Variants in NAV1 observed in about 807,000 individuals in gnomAD.
NAV1 encodes pore membrane and/or filament interacting like protein 3.
In NAV1, 18 loss-of-function variants were observed where a neutral mutation model predicts 175.2. The observed-to-expected ratio is 0.10, with a 90% CI of 0.07 to 0.15. The LOEUF is 0.15. Ranked by LOEUF, NAV1 falls within the 10% of genes least tolerant of loss-of-function variation. NAV1 has a pLI of 1.00. For synonymous variants in NAV1, 897 were observed against 978.7 expected (o/e 0.92, Z 1.56); for missense variants, 1,731 against 2,436.6 (o/e 0.71, Z 6.10).
At chr1:201,623,667 G>A (rs1223241304) in intron 1 of NAV1, 61 bp downstream of exon 3, 2 of 986,106 alleles carry the variant, frequency 2.0e-6, no homozygotes, top group Non-Finnish European at 2.4e-6. Flanking sequence ...CAAGGGGCAA[G>A]CCGGAAGAGG....
At chr1:201,676,987 C>G (rs1208015544) in intron 1 of NAV1, among the ~76,000 whole-genome samples, 1 of 152,142 alleles carries the variant, frequency 6.6e-6, no homozygotes, top group Non-Finnish European at 1.5e-5. Flanking sequence ...CGCGGTGGCT[C>G]ATGCCTGTAA....
chr1:201,669,541 G>T (rs1669954379), intron 1 of NAV1, among the ~76,000 whole-genome samples: 2 of 152,234 alleles, frequency 1.3e-5, no homozygotes, highest in African/African-American at 4.8e-5. Flanking sequence ...GGTCAGGATT[G>T]TGAATTTTAT....
At chr1:201,822,028 A>G (rs1480141456) in exon 30 of NAV1, 2 of 152,734 alleles carry the variant, frequency 1.3e-5, no homozygotes, top group Non-Finnish European at 1.5e-5. Context: ...TATTAAGTCC[A>G]AAAGATGGTC....
At chr1:201,763,645 C>T (rs989890555) in intron 3 of NAV1, among the ~76,000 whole-genome samples, 1 of 152,214 alleles carries the variant, frequency 6.6e-6, no homozygotes, top group African/African-American at 2.4e-5. Flanking sequence ...TTAAACAGCT[C>T]AACTTTCTGC....
chr1:201,775,303 T>A (rs1428317026), intron 3 of NAV1, among the ~76,000 whole-genome samples: 2 of 152,202 alleles, frequency 1.3e-5, no homozygotes, highest in Admixed American at 6.5e-5. Context: ...ATATTGAATG[T>A]TGAAAGCTCC....
At chr1:201,706,579 C>T (rs944223485) in intron 1 of NAV1, among the ~76,000 whole-genome samples, 1 of 152,192 alleles carries the variant, frequency 6.6e-6, no homozygotes, top group Non-Finnish European at 1.5e-5. Context: ...CTGAAACCGC[C>T]GTGTACAAAA....
At chr1:201,599,649 A>G (rs1667463332) in intron 2 of NAV1, among the ~76,000 whole-genome samples, 1 of 152,186 alleles carries the variant, frequency 6.6e-6, no homozygotes, top group Admixed American at 6.5e-5. Context: ...TGCGTCTGTC[A>G]TGAGCCCCTC....
At chr1:201,552,502 C>T (rs1211184332) in intron 1 of NAV1, among the ~76,000 whole-genome samples, 4 of 33,734 alleles carry the variant, frequency 1.2e-4, no homozygotes, top group Non-Finnish European at 7.4e-5. Flanking sequence ...TGACATTGGG[C>T]TCTGACGCAT....
rs1676877132 is a variant in NAV1, at chr1:201,788,019, C to A, written c.2996-449C>A. Among the ~76,000 whole-genome samples the A allele has an allele frequency of 6.6e-6, 1 of 152,210 alleles. No individual in the cohort carries two copies. The highest frequency in any genetic ancestry group is 1.5e-5 in the Non-Finnish European group (1 of 68,036). On this transcript the variant is annotated intron_variant, in intron 9 of 29. Coordinates refer to ENST00000367296, the Ensembl canonical transcript of NAV1. This position sits in a 1 kb window ranked among gnomAD's most constrained non-coding sequence, Gnocchi z 5.7. ...GGATCCCGTAGCCCAGCCCCCTTCT[C>A]TAGCTGGTGCTTTTTCATCATTCAG... is the stretch of plus-strand genomic sequence containing the variant.
intron 3 of NAV1, among the ~76,000 whole-genome samples, chr1:201,733,893 A>C (rs1374482926): frequency 6.6e-6 from 1 of 152,192 alleles, no homozygotes. Flanking sequence ...CTTTTCTTCC[A>C]AGAGAGAGGA....
chr1:201,621,288 T>C (rs569196893), upstream of NAV1, among the ~76,000 whole-genome samples: 3 of 152,080 alleles, frequency 2.0e-5, no homozygotes, highest in Admixed American at 6.5e-5. Flanking sequence ...TGTAAAGGTG[T>C]TAATTCCTTG....
In NAV1 at chr1:201,822,775, T is replaced by C. The variant is rs562786884; in HGVS notation, c.*2843T>C. On this transcript the variant is annotated 3_prime_UTR_variant, in exon 30 of 30. Transcript: ENST00000367296. ...TTTCCCTCTGGAGCCTGGGACCCTG[T>C]TTACAGTTGCACATCTGGGCCCCTC... 13 of 152,768 alleles carry C rather than the reference T, an allele frequency of 8.5e-5. No individual in the cohort carries two copies. In the East Asian group the frequency reaches 2.5e-3, roughly 29 times the overall value. 9.5% of individuals were successfully genotyped at this position (152,768 alleles called of 1,614,324 possible). A position where few individuals can be genotyped will look rare whatever the true frequency, so the allele number is the denominator to read the frequency against.
intron 3 of NAV1, among the ~76,000 whole-genome samples, chr1:201,765,373 GA>G (rs1346673553): frequency 2.8e-5 from 4 of 144,738 alleles, no homozygotes; most frequent in African/African-American, 1.0e-4. Flanking sequence ...TGATCTTCAG[GA>G]AATATTCTTT....
rs74981178 is a variant in NAV1, at chr1:201,593,618, A to G, written c.-33+4969A>G. 1.4e-3 allele frequency among the ~76,000 whole-genome samples: 219 copies of G among 152,142 alleles called. 1 individual carries two copies. The highest frequency in any genetic ancestry group is 5.2e-3 in the African/African-American group (215 of 41,486). On this transcript the variant is annotated intron_variant, in intron 2 of 33. Coordinates refer to the NAV1 transcript ENST00000685211. The stretch of plus-strand genomic sequence containing the variant: ...TCTGTCTTTTCTCAGGAGTCCTCTG[A>G]GCTTCCATGTACTGGGCCCGCACGA...
chr1:201,803,731 G>T lies in NAV1; in HGVS notation c.3639+17G>T. 1.4e-6 allele frequency: 2 copies of T among 1,463,868 alleles called. No homozygotes were observed. Among genetic ancestry groups the T allele is most frequent in the Non-Finnish European group, 1.8e-6 (2 of 1,110,546 alleles). The allele number at this position is 1,463,868 out of a possible 1,614,324, so 90.7% of individuals were successfully genotyped here. Reference sequence around the variant, plus strand: ...AAGAGTTGGGTAGGTAAAGGTTTGGGGGGTGGGAAGTAGGTAGAACCGTGG... The same window carrying T: ...AAGAGTTGGGTAGGTAAAGGTTTGGTGGGTGGGAAGTAGGTAGAACCGTGG... On this transcript the variant is annotated intron_variant, in intron 16 of 29. Coordinates refer to ENST00000367296, the Ensembl canonical transcript of NAV1.
intron 2 of NAV1, among the ~76,000 whole-genome samples, chr1:201,642,510 C>CCTCT (rs1491316825): frequency 1.6e-5 from 1 of 62,856 alleles, no homozygotes; most frequent in Non-Finnish European, 3.2e-5. Flanking sequence ...CCGCACCCGG[C>CCTCT]CTCTTTCTTT....
chr1:201,763,566 T>C (rs7535989), intron 3 of NAV1, among the ~76,000 whole-genome samples: 1 of 152,050 alleles, frequency 6.6e-6, no homozygotes, highest in Admixed American at 6.6e-5. Flanking sequence ...TAGAGAAAAC[T>C]CAAACAAATT....
intron 29 of NAV1, among the ~76,000 whole-genome samples, chr1:201,818,510 C>G (rs1679200618): frequency 6.9e-6 from 1 of 144,856 alleles, no homozygotes; most frequent in Non-Finnish European, 1.5e-5. Context: ...AGCCTGGCGA[C>G]AGAGCGAGAC....
At position 201,781,186 on chromosome 1, in the gene NAV1, G is replaced by A. The variant is rs767889693; in HGVS notation, c.1540G>A (p.Gly514Ser). 5.0e-6 allele frequency: 8 copies of A among 1,613,978 alleles called. No individual in the cohort carries two copies. The Admixed American group carries it at 5.0e-5, about 10-fold the overall frequency. Reference sequence around the variant, plus strand: ...TGAGAGCTGTGATGATTCATCCAAGGGTGGAGAACTGAAAAAGCCCATCAG... The same window carrying A: ...TGAGAGCTGTGATGATTCATCCAAGAGTGGAGAACTGAAAAAGCCCATCAG... Residue 514 changes from glycine (G) to serine (S), a missense_variant, in exon 5 of 30, where the codon GGT (glycine) becomes AGT (serine). By Grantham distance (56) the Gly-to-Ser change is moderately conservative. Transcript: ENST00000367296.
Sources: gnomAD v4.1 joint callset for allele counts (sites outside exome capture counted in the v4.1 genomes callset) on GRCh38, gnomAD v4.1.1 for gene constraint, Gnocchi (gnomAD v3.1) non-coding constraint, MANE v1.5 for transcripts, NCBI Gene and HGNC (gene_info 2026-07-23, HGNC 2026-07-21) for gene names.